Variants in MAP1A observed in about 807,000 individuals in gnomAD.
MAP1A encodes microtubule associated protein 1A.
Under a neutral mutation model 185.9 loss-of-function variants are expected in MAP1A, and 42 were observed. That is an observed-to-expected ratio of 0.23 (90% CI 0.18 to 0.29). The LOEUF (loss-of-function observed/expected upper bound fraction) is 0.29, where lower values mean the gene tolerates loss of function less well. MAP1A is among the 10% of genes least tolerant of loss of function. The pLI, the probability that MAP1A is intolerant of heterozygous loss-of-function variation, is 1.00. For synonymous variants in MAP1A, 1,229 were observed against 1,335.9 expected (o/e 0.92, Z 1.74); for missense variants, 2,995 against 3,450.4 (o/e 0.87, Z 3.31).
chr15:43,531,244 G>C lies in MAP1A; in HGVS notation c.*1020G>C, dbSNP rs541117450. ...AGAGGATCTGGGAGGTGGAAGCCAG[G>C]CCAGAGGACTTGGGGAAAATGAGAT... On this transcript the variant is annotated 3_prime_UTR_variant, in exon 6 of 6. Coordinates refer to ENST00000300231, the MANE Select transcript of MAP1A (RefSeq NM_002373.6). 1.6e-4 allele frequency: 25 copies of C among 152,836 alleles called. No homozygotes were observed. The highest frequency in any genetic ancestry group is 1.4e-3 in the Admixed American group (21 of 15,300). 9.5% of individuals were successfully genotyped at this position (152,836 alleles called of 1,614,324 possible). A position where few individuals can be genotyped will look rare whatever the true frequency, so the allele number is the denominator to read the frequency against.
Position 43,526,890 on chromosome 15 carries a change from T to C in MAP1A, c.5417T>C (p.Val1806Ala). The change falls in exon 4 of 6, where the codon GTT becomes GCT. Residue 1806 changes from valine (V) to alanine (A), a missense_variant. Physicochemically the swap from Val to Ala is moderately conservative, Grantham distance 64. This residue lies in a region of MAP1A where 2,728 missense variants were observed against 2,986.0 expected (regional missense o/e 0.91). Coordinates refer to ENST00000300231, the MANE Select transcript of MAP1A (RefSeq NM_002373.6). This position sits in a 1 kb window ranked among gnomAD's most constrained non-coding sequence, Gnocchi z 4.7. ...ISPPASPPEM[V>A]GQRVPSAPGQ... ...CCTCCAGCTTCCCCACCTGAGATGG[T>C]TGGACAAAGGGTTCCTTCAGCCCCA... is the stretch of plus-strand genomic sequence containing the variant. The C allele has an allele frequency of 3.1e-6, 5 of 1,614,072 alleles. No homozygotes were observed. The highest frequency in any genetic ancestry group is 4.2e-6 in the Non-Finnish European group (5 of 1,180,004).
rs1253141736 is a variant in MAP1A, at chr15:43,524,110, T to C, written c.2637T>C (p.Arg879=). The C allele has an allele frequency of 6.2e-7, 1 of 1,614,046 alleles. No individual in the cohort carries two copies. The highest frequency in any genetic ancestry group is 2.2e-5 in the East Asian group (1 of 44,898). The change falls in exon 4 of 6, where the codon CGT becomes CGC. Residue 879 remains arginine (R), a synonymous_variant. Transcript: ENST00000300231. ...LDTVTSIPSS[R]TEATQGLDYV... ...CAGTCACAAGCATCCCTTCCTCCCG[T>C]ACTGAAGCTACGCAGGGCTTGGACT...
At chr15:43,517,907 T>C (rs2079304227) in intron 1 of MAP1A, among the ~76,000 whole-genome samples, 1 of 152,164 alleles carries the variant, frequency 6.6e-6, no homozygotes, top group Non-Finnish European at 1.5e-5. Context: ...CACCAGGGGC[T>C]GTGACAGTCC....
rs1460473249 is a variant in MAP1A at position 43,520,539 on chromosome 15, C to G, written c.-374-102C>G. 5.0e-6 allele frequency: 4 copies of G among 796,248 alleles called. No individual in the cohort carries two copies. The African/African-American group carries it at 5.1e-5, about 10-fold the overall frequency. 49.3% of individuals were successfully genotyped at this position (796,248 alleles called of 1,614,324 possible). On this transcript the variant is annotated intron_variant, in intron 1 of 5. Transcript: ENST00000300231. ...AGGTGGCAGGGCCTAAGGATACCTTCTCTTTCGTCTAAGCCCCATTTCCTG... is the reference window on the plus strand; with the variant it reads ...AGGTGGCAGGGCCTAAGGATACCTTGTCTTTCGTCTAAGCCCCATTTCCTG...
In MAP1A at chr15:43,528,384, C is replaced by G; in HGVS notation, c.6911C>G (p.Thr2304Ser). Residue 2304 changes from threonine to serine, a missense_variant, in exon 4 of 6, where the codon ACT becomes AGT. Thr to Ser is a moderately conservative substitution (Grantham distance 58). Around this residue, in one of 3 missense-constraint regions of MAP1A, gnomAD observed 2,728 missense variants for 2,986.0 expected, o/e 0.91. Coordinates refer to ENST00000300231, the MANE Select transcript of MAP1A (RefSeq NM_002373.6). Reference protein sequence around the residue: ...EPAAHSLWDLTPLSPAPPASL... With the variant: ...EPAAHSLWDLSPLSPAPPASL... ...GCTGCCCACAGCCTCTGGGACCTCACTCCTCTGAGCCCAGCACCCCCAGCT... is the reference window on the plus strand; with the variant it reads ...GCTGCCCACAGCCTCTGGGACCTCAGTCCTCTGAGCCCAGCACCCCCAGCT... 1 of 1,613,940 alleles carries G rather than the reference C, an allele frequency of 6.2e-7. No individual in the cohort carries two copies. Among genetic ancestry groups the G allele is most frequent in the Non-Finnish European group, 8.5e-7 (1 of 1,180,028 alleles).
rs757517754 is a variant in MAP1A at position 43,526,004 on chromosome 15, C to T, written c.4531C>T (p.Pro1511Ser). The part of the protein sequence containing the change: ...QKVRSVEHKA[P>S]EDTVAEMKDR... ...AGTCAGAAGTGTTGAACATAAGGCT[C>T]CGGAGGACACGGTCGCTGAAATGAA... Residue 1511 changes from proline (P) to serine (S), a missense_variant, in exon 4 of 6, where the codon CCG becomes TCG. Physicochemically the swap from Pro to Ser is moderately conservative, Grantham distance 74 (BLOSUM62 -1). This residue lies in a region of MAP1A where 2,728 missense variants were observed against 2,986.0 expected (regional missense o/e 0.91). Transcript: ENST00000300231. The surrounding 1 kb of genome is among the most constrained non-coding windows in gnomAD (Gnocchi z 4.7). 9 of 1,613,688 alleles carry T rather than the reference C, an allele frequency of 5.6e-6. No individual in the cohort carries two copies. The highest frequency in any genetic ancestry group is 7.6e-6 in the Non-Finnish European group (9 of 1,179,928).
Position 43,521,498 on chromosome 15 carries a change from G to A in MAP1A, c.25G>A (p.Glu9Lys), listed in dbSNP as rs750513645. Residue 9 changes from glutamate to lysine, a missense_variant, in exon 4 of 6, where the codon GAG becomes AAG. Glu to Lys is a moderately conservative substitution (Grantham distance 56). Coordinates refer to ENST00000300231, the MANE Select transcript of MAP1A (RefSeq NM_002373.6). This position sits in a 1 kb window ranked among gnomAD's most constrained non-coding sequence, Gnocchi z 4.6. MDGVAEFS[E>K]YVSETVDVPS... Reference sequence around the variant, plus strand: ...CATGGACGGCGTGGCTGAGTTCTCCGAGTATGTCTCTGAGACTGTGGACGT... The same window carrying A: ...CATGGACGGCGTGGCTGAGTTCTCCAAGTATGTCTCTGAGACTGTGGACGT... The A allele has an allele frequency of 8.1e-6, 13 of 1,614,122 alleles. No homozygotes were observed. Among genetic ancestry groups the A allele is most frequent in the South Asian group, 3.3e-5 (3 of 91,080 alleles).
In MAP1A at chr15:43,525,605, G is replaced by A. The variant is rs753377623; in HGVS notation, c.4132G>A (p.Glu1378Lys). ...QQKDKTLEHK[E>K]VVEPKDTAIY... ...GAAAGACAAAACTCTGGAGCACAAGGAGGTGGTAGAGCCGAAGGATACAGC... is the reference window on the plus strand; with the variant it reads ...GAAAGACAAAACTCTGGAGCACAAGAAGGTGGTAGAGCCGAAGGATACAGC... Residue 1378 changes from glutamate (E) to lysine (K), a missense_variant, in exon 4 of 6, where the codon GAG becomes AAG. This residue lies in a region of MAP1A where 2,728 missense variants were observed against 2,986.0 expected (regional missense o/e 0.91). Transcript: ENST00000300231. The A allele has an allele frequency of 1.5e-5, 25 of 1,613,992 alleles. No individual in the cohort carries two copies. The Admixed American group carries it at 4.0e-4, about 26-fold the overall frequency.
intron 1 of MAP1A, among the ~76,000 whole-genome samples, chr15:43,518,051 C>T (rs117656171): frequency 6.6e-6 from 1 of 152,090 alleles, no homozygotes; most frequent in African/African-American, 2.4e-5. Flanking sequence ...GCAGAAGAAT[C>T]TGAGAGAAAG....
rs1237022653 is a variant in MAP1A, at chr15:43,522,837, A to G, written c.1364A>G (p.Glu455Gly). 6.3e-7 allele frequency: 1 copy of G among 1,598,758 alleles called. No individual in the cohort carries two copies. Among genetic ancestry groups the G allele is most frequent in the Non-Finnish European group, 8.5e-7 (1 of 1,171,662 alleles). Residue 455 changes from glutamate to glycine, a missense_variant, in exon 4 of 6, where the codon GAG (glutamate) becomes GGG (glycine). This residue lies in a region of MAP1A where 2,728 missense variants were observed against 2,986.0 expected (regional missense o/e 0.91). Coordinates refer to ENST00000300231, the MANE Select transcript of MAP1A (RefSeq NM_002373.6). This position sits in a 1 kb window ranked among gnomAD's most constrained non-coding sequence, Gnocchi z 5.9. ...GAGAAGAGGAAAGATACCAAACCTGAGCTCAAGAAGATTTCCAAGCCAGAC... is the reference window on the plus strand; with the variant it reads ...GAGAAGAGGAAAGATACCAAACCTGGGCTCAAGAAGATTTCCAAGCCAGAC... ...KEEKRKDTKPELKKISKPDLK... is the reference protein window; with the variant it reads ...KEEKRKDTKPGLKKISKPDLK...
Position 43,521,270 on chromosome 15 carries a change from C to CA in MAP1A, c.-150-53dup. On this transcript the variant is annotated intron_variant, in intron 3 of 5. Coordinates refer to ENST00000300231, the MANE Select transcript of MAP1A (RefSeq NM_002373.6). The surrounding 1 kb of genome is among the most constrained non-coding windows in gnomAD (Gnocchi z 4.6). The stretch of plus-strand genomic sequence containing the variant: ...GAAGATTAGGGTACTGAATCTAAGT[C>CA]AGACCAAAACAACTCTAGTGACCTG... The CA allele has an allele frequency of 6.6e-7, 1 of 1,508,546 alleles. No homozygotes were observed. The allele number at this position is 1,508,546 out of a possible 1,614,324, so 93.4% of individuals were successfully genotyped here. A position where few individuals can be genotyped will look rare whatever the true frequency, so the allele number is the denominator to read the frequency against.
rs1344829879 is a variant in MAP1A at position 43,520,703 on chromosome 15, G to T, written c.-312G>T. On this transcript the variant is annotated 5_prime_UTR_variant, in exon 2 of 6. Transcript: ENST00000300231. ...GACCATCATCCTGGTAAATCCCAGT[G>T]CAGACAGCATCAGCTCTGAGGTAAG... 6.5e-7 allele frequency: 1 copy of T among 1,550,114 alleles called. No individual in the cohort carries two copies. Among genetic ancestry groups the T allele is most frequent in the East Asian group, 2.4e-5 (1 of 40,918 alleles).
chr15:43,522,890 A>C lies in MAP1A; in HGVS notation c.1417A>C (p.Lys473Gln). The C allele has an allele frequency of 1.2e-6, 2 of 1,612,186 alleles. No homozygotes were observed. Among genetic ancestry groups the C allele is most frequent in the Non-Finnish European group, 1.7e-6 (2 of 1,179,080 alleles). ...DLKPFTPEVR[K>Q]TLYKAKVPGR... ...AAAGCCCTTTACTCCTGAGGTACGTAAGACCCTCTATAAAGCCAAGGTCCC... is the reference window on the plus strand; with the variant it reads ...AAAGCCCTTTACTCCTGAGGTACGTCAGACCCTCTATAAAGCCAAGGTCCC... The change falls in exon 4 of 6, where the codon AAG becomes CAG. Residue 473 changes from lysine to glutamine, a missense_variant. This residue lies in a region of MAP1A where 2,728 missense variants were observed against 2,986.0 expected (regional missense o/e 0.91). Transcript: ENST00000300231. The surrounding 1 kb of genome is among the most constrained non-coding windows in gnomAD (Gnocchi z 5.9).
Position 43,529,684 on chromosome 15 carries a change from T to C in MAP1A, c.8070T>C (p.Pro2690=), listed in dbSNP as rs574445491. The C allele has an allele frequency of 1.9e-5, 30 of 1,614,184 alleles. No individual in the cohort carries two copies. The South Asian group carries it at 2.9e-4, about 15-fold the overall frequency. The part of the protein sequence containing the change: ...ALSSKGSSGA[P]VYVDLAYIPN... ...GTTCCAAGGGCAGCTCTGGTGCCCCTGTATATGTGGATCTCGCCTACATCC... is the reference window on the plus strand; with the variant it reads ...GTTCCAAGGGCAGCTCTGGTGCCCCCGTATATGTGGATCTCGCCTACATCC... The change falls in exon 5 of 6, where the codon CCT becomes CCC. Residue 2690 remains proline (P), a synonymous_variant. Transcript: ENST00000300231. This position sits in a 1 kb window ranked among gnomAD's most constrained non-coding sequence, Gnocchi z 4.3.
rs2079318427 is a variant in MAP1A, at chr15:43,521,353, T to C, written c.-121T>C. 1.4e-5 allele frequency: 22 copies of C among 1,612,900 alleles called. No homozygotes were observed. Among genetic ancestry groups the C allele is most frequent in the Admixed American group, 1.7e-5 (1 of 59,972 alleles). On this transcript the variant is annotated 5_prime_UTR_variant, in exon 4 of 6. Transcript: ENST00000300231. This position sits in a 1 kb window ranked among gnomAD's most constrained non-coding sequence, Gnocchi z 4.6. ...CCCAATTGCTCAGCAATAGAGACCCTGGGATACAGGCCTTCCTTACCGTGT... is the reference window on the plus strand; with the variant it reads ...CCCAATTGCTCAGCAATAGAGACCCCGGGATACAGGCCTTCCTTACCGTGT...
At chr15:43,519,666 G>A (rs558277120) in intron 1 of MAP1A, among the ~76,000 whole-genome samples, 30 of 152,312 alleles carry the variant, frequency 2.0e-4, no homozygotes, top group African/African-American at 6.5e-4. Context: ...TTCTTTCTTT[G>A]CTGAATTGTT....
chr15:43,522,787 G>A lies in MAP1A; in HGVS notation c.1314G>A (p.Glu438=), dbSNP rs962963335. ...KELKKDEGRK[E]EKKDAKKEEK... ...TCAAGAAGGATGAAGGAAGGAAGGA[G>A]GAGAAGAAGGATGCCAAGAAGGAGG... Residue 438 remains glutamate (E), a synonymous_variant, in exon 4 of 6, where the codon GAG becomes GAA. Coordinates refer to ENST00000300231, the MANE Select transcript of MAP1A (RefSeq NM_002373.6). This position sits in a 1 kb window ranked among gnomAD's most constrained non-coding sequence, Gnocchi z 5.9. 1 of 1,565,964 alleles carries A rather than the reference G, an allele frequency of 6.4e-7. No individual in the cohort carries two copies. Among genetic ancestry groups the A allele is most frequent in the South Asian group, 1.2e-5 (1 of 86,106 alleles).
At position 43,522,462 on chromosome 15, in the gene MAP1A, C is replaced by T. The variant is rs768004425; in HGVS notation, c.989C>T (p.Ala330Val). 6.2e-7 allele frequency: 1 copy of T among 1,613,998 alleles called. No individual in the cohort carries two copies. Among genetic ancestry groups the T allele is most frequent in the Admixed American group, 1.7e-5 (1 of 59,998 alleles). ...AGCCTCAAAGCCACTACCAAGACGG[C>T]CGTGAGCAAGTTGGCCAAACGGGAG... ...KESLKATTKT[A>V]VSKLAKREEV... Residue 330 changes from alanine to valine, a missense_variant, in exon 4 of 6, where the codon GCC becomes GTC. Physicochemically the swap from Ala to Val is moderately conservative, Grantham distance 64. Coordinates refer to ENST00000300231, the MANE Select transcript of MAP1A (RefSeq NM_002373.6). This position sits in a 1 kb window ranked among gnomAD's most constrained non-coding sequence, Gnocchi z 5.9.
Position 43,525,854 on chromosome 15 carries a change from G to T in MAP1A, c.4381G>T (p.Asp1461Tyr), listed in dbSNP as rs2245715. ...EEKDKALEQK[D>Y]TALEQKDKAL... ...GAAAGACAAAGCCTTAGAACAAAAG[G>T]ATACAGCCCTGGAACAGAAGGACAA... The change falls in exon 4 of 6, where the codon GAT (aspartate) becomes TAT (tyrosine). Residue 1461 changes from aspartate to tyrosine, a missense_variant. Transcript: ENST00000300231. 9 of 1,610,234 alleles carry T rather than the reference G, an allele frequency of 5.6e-6. No homozygotes were observed. The South Asian group carries it at 7.7e-5, about 14-fold the overall frequency.
Sources: gnomAD v4.1 joint callset for allele counts (sites outside exome capture counted in the v4.1 genomes callset) on GRCh38, gnomAD v4.1.1 for gene constraint, gnomAD v4.1.1 regional missense constraint, Gnocchi (gnomAD v3.1) non-coding constraint, MANE v1.5 for transcripts, NCBI Gene and HGNC (gene_info 2026-07-23, HGNC 2026-07-21) for gene names.